Variants in RAPGEF4 observed in about 807,000 individuals in gnomAD.
RAPGEF4 encodes RAP guanine-nucleotide-exchange factor (GEF) 4.
A neutral mutation model predicts 147.9 loss-of-function variants in RAPGEF4; 66 were observed. The observed-to-expected ratio is 0.45, with a 90% CI of 0.37 to 0.55. The LOEUF (loss-of-function observed/expected upper bound fraction) is 0.55. Ranked by LOEUF, RAPGEF4 falls within the 20% of genes least tolerant of loss-of-function variation. RAPGEF4 has a pLI of 0.00. For missense variants in RAPGEF4, 1,071 were observed against 1,257.3 expected, an observed-to-expected ratio of 0.85 and a Z score of 2.24; for synonymous variants, 419 against 442.7, an observed-to-expected ratio of 0.95 and a Z score of 0.67.
chr2:172,860,590 G>A (rs1056148559), intron 4 of RAPGEF4, among the ~76,000 whole-genome samples: 2 of 125,328 alleles, frequency 1.6e-5, no homozygotes, highest in Non-Finnish European at 3.4e-5. Context: ...TTTTGGTTTT[G>A]TTTTACGGGG....
chr2:172,791,577 A>C (rs1685826998), intron 1 of RAPGEF4, among the ~76,000 whole-genome samples: 1 of 152,196 alleles, frequency 6.6e-6, no homozygotes, highest in Non-Finnish European at 1.5e-5. Context: ...GTACCCAATA[A>C]AATTAATGAC....
At chr2:173,027,612 T>C (rs772333353) in intron 25 of RAPGEF4, among the ~76,000 whole-genome samples, 13 of 152,224 alleles carry the variant, frequency 8.5e-5, no homozygotes, top group Non-Finnish European at 1.9e-4. Context: ...TTGAAGTCAA[T>C]GTCCAGCATG....
chr2:172,933,590 T>G (rs1363343308), intron 6 of RAPGEF4, among the ~76,000 whole-genome samples: 3 of 152,104 alleles, frequency 2.0e-5, no homozygotes, highest in Admixed American at 1.3e-4. Context: ...TTGCACTGAG[T>G]AGGACATGCC....
In RAPGEF4 at chr2:172,995,290, T is replaced by TG. The variant is rs1491250342; in HGVS notation, c.1491-1176_1491-1175insG. On this transcript the variant is annotated intron_variant, in intron 15 of 30. Transcript: ENST00000397081. ...GTGTGTGTGTGTGTGTGTGTGTGTG[T>TG]TTGTATTTTGAGATGGAGTCTTGCT... Among the ~76,000 whole-genome samples the TG allele has an allele frequency of 5.7e-3, 823 of 145,372 alleles. 6 individuals carry two copies. The highest frequency in any genetic ancestry group is 0.02 in the African/African-American group (768 of 38,986).
At chr2:172,770,012 C>G (rs1287395667) in intron 1 of RAPGEF4, among the ~76,000 whole-genome samples, 1 of 152,132 alleles carries the variant, frequency 6.6e-6, no homozygotes, top group Non-Finnish European at 1.5e-5. Flanking sequence ...TAGTCTAACA[C>G]CCTTCTAAAG....
chr2:173,046,607 A>T (rs983487163), intron 29 of RAPGEF4, among the ~76,000 whole-genome samples: 9 of 152,258 alleles, frequency 5.9e-5, no homozygotes, highest in African/African-American at 2.2e-4. Context: ...ACAACTTAAA[A>T]GTAAATTAGC....
intron 1 of RAPGEF4, chr2:172,736,264 T>G: frequency 3.0e-6 from 1 of 336,876 alleles, no homozygotes. Context: ...TTACACGTGG[T>G]GGAGAAAATG....
intron 4 of RAPGEF4, among the ~76,000 whole-genome samples, chr2:172,886,536 T>A (rs1697240107): frequency 6.6e-6 from 1 of 152,190 alleles, no homozygotes; most frequent in African/African-American, 2.4e-5. Context: ...CATGAATGCA[T>A]TTCTTCCCTC....
At chr2:172,862,632 A>AT (rs1694163743) in intron 4 of RAPGEF4, among the ~76,000 whole-genome samples, 1 of 152,202 alleles carries the variant, frequency 6.6e-6, no homozygotes, top group Non-Finnish European at 1.5e-5. Context: ...CTTTAAAGGT[A>AT]TTAAATATTA....
intron 6 of RAPGEF4, among the ~76,000 whole-genome samples, chr2:172,944,172 C>A (rs1355738241): frequency 2.0e-5 from 3 of 152,140 alleles, no homozygotes; most frequent in Admixed American, 6.5e-5. Flanking sequence ...GGTAAATGCA[C>A]CCTTGGTAAA....
At chr2:172,881,339 T>A (rs971264183) in intron 4 of RAPGEF4, among the ~76,000 whole-genome samples, 4 of 152,232 alleles carry the variant, frequency 2.6e-5, no homozygotes, top group Non-Finnish European at 5.9e-5. Flanking sequence ...GATGAGGCTC[T>A]TACTGAGCTC....
intron 3 of RAPGEF4, among the ~76,000 whole-genome samples, chr2:172,807,783 T>C (rs1687649451): frequency 6.6e-6 from 1 of 152,178 alleles, no homozygotes; most frequent in Admixed American, 6.5e-5. Flanking sequence ...GAAAAAAATA[T>C]GTTTCTGTCT....
chr2:172,963,559 T>C (rs965360072), intron 8 of RAPGEF4, among the ~76,000 whole-genome samples: 1 of 152,234 alleles, frequency 6.6e-6, no homozygotes, highest in Non-Finnish European at 1.5e-5. Context: ...CCATAATCTC[T>C]TTTGTGCTCC....
At chr2:172,885,854 T>A (rs993176902) in intron 4 of RAPGEF4, among the ~76,000 whole-genome samples, 1 of 151,984 alleles carries the variant, frequency 6.6e-6, no homozygotes. Context: ...AAATGCAAAT[T>A]AACCAAGTGC....
At chr2:172,998,567 A>G (rs539744354) in intron 16 of RAPGEF4, among the ~76,000 whole-genome samples, 1 of 152,278 alleles carries the variant, frequency 6.6e-6, no homozygotes, top group South Asian at 2.1e-4. Flanking sequence ...AACAACAACA[A>G]AAAGGTAGAG....
At chr2:173,048,923 C>T (rs1270987891) in intron 30 of RAPGEF4, among the ~76,000 whole-genome samples, 1 of 152,136 alleles carries the variant, frequency 6.6e-6, no homozygotes, top group Admixed American at 6.5e-5. Flanking sequence ...TTGCTCTATC[C>T]AGTGCAGCTG....
intron 1 of RAPGEF4, among the ~76,000 whole-genome samples, chr2:172,768,505 T>TAAA (rs60090129): frequency 1.0e-5 from 1 of 98,462 alleles, no homozygotes; most frequent in East Asian, 2.8e-4. Flanking sequence ...CAACCAAAAG[T>TAAA]AAAAAAAAAA....
intron 4 of RAPGEF4, among the ~76,000 whole-genome samples, chr2:172,871,954 C>T (rs1695293848): frequency 6.6e-6 from 1 of 152,104 alleles, no homozygotes; most frequent in South Asian, 2.1e-4. Context: ...TAGCTGTGCC[C>T]AGCTTCAAGT....
intron 1 of RAPGEF4, among the ~76,000 whole-genome samples, chr2:172,781,605 C>T (rs1446877923): frequency 1.3e-5 from 2 of 152,172 alleles, no homozygotes; most frequent in Non-Finnish European, 2.9e-5. Flanking sequence ...ATTTCCAATG[C>T]TGCATTTATG....
Sources: allele counts gnomAD v4.1 joint callset (sites outside exome capture counted in the v4.1 genomes callset), GRCh38; gene constraint gnomAD v4.1.1; transcripts MANE v1.5; gene names NCBI Gene and HGNC (gene_info 2026-07-23, HGNC 2026-07-21).